UNC79: variants seen among roughly 807,000 people sequenced by gnomAD.
UNC79 encodes the protein unc-79 subunit of NALCN channel complex.
A neutral mutation model predicts 283.1 loss-of-function variants in UNC79; 37 were observed. That is an observed-to-expected ratio of 0.13 (90% confidence interval 0.10 to 0.17). The LOEUF (loss-of-function observed/expected upper bound fraction) is 0.17. Among genes scored for constraint, UNC79 ranks in the 10% least tolerant of loss-of-function variants. The pLI is 1.00. For synonymous variants in UNC79, 1,107 were observed against 1,200.2 expected, an observed-to-expected ratio of 0.92 and a Z score of 1.61; for missense variants, 2,272 against 3,211.1, an observed-to-expected ratio of 0.71 and a Z score of 7.07.
chr14:93,550,816 A>G (rs80113890), intron 14 of UNC79, among the ~76,000 whole-genome samples: 2,112 of 152,114 alleles, frequency 0.014, 22 homozygotes, highest in Middle Eastern at 0.037. Context: ...TTCTGGAGAT[A>G]AGAAGATACC....
At chr14:93,431,341 G>C (rs1276878480) in intron 1 of UNC79, among the ~76,000 whole-genome samples, 2 of 151,862 alleles carry the variant, frequency 1.3e-5, no homozygotes, top group African/African-American at 2.4e-5. Flanking sequence ...TCATTCTCGG[G>C]AAAAAGAGGC....
In UNC79 at chr14:93,682,599, C is replaced by T; in HGVS notation, c.6742-18C>T. The T allele has an allele frequency of 6.2e-7, 1 of 1,607,210 alleles. No homozygotes were observed. The highest frequency in any genetic ancestry group is 8.5e-7 in the Non-Finnish European group (1 of 1,174,878). ...CCAGATACCCTTAAAAATAATTATC[C>T]TTTCACTTTTTTATTAGTTTATTTG... On this transcript the variant is annotated intron_variant, in intron 41 of 48. Transcript: ENST00000555664.
chr14:93,523,957 C>T (rs376898822), intron 7 of UNC79, 21 bp from the exon 8 acceptor site: 13 of 1,612,518 alleles, frequency 8.1e-6, no homozygotes, highest in Non-Finnish European at 1.1e-5. Context: ...AAGTATTCAT[C>T]AGCTGTGCTT....
At chr14:93,477,763 T>A (rs201151233) in intron 4 of UNC79, 35 bp downstream of exon 4, 1 of 1,575,254 alleles carries the variant, frequency 6.3e-7, no homozygotes, top group Non-Finnish European at 8.6e-7. Flanking sequence ...AGATTATTTT[T>A]ATGTATGATA....
chr14:93,391,248 T>C (rs1281349420), intron 1 of UNC79, among the ~76,000 whole-genome samples: 1 of 151,602 alleles, frequency 6.6e-6, no homozygotes, highest in East Asian at 1.9e-4. Context: ...GATATACATA[T>C]GATAAAAAGA....
At chr14:93,609,545 A>G (rs2066146066) in intron 26 of UNC79, among the ~76,000 whole-genome samples, 1 of 152,188 alleles carries the variant, frequency 6.6e-6, no homozygotes, top group Non-Finnish European at 1.5e-5. Context: ...TTCTCTTTAT[A>G]GAAAATATAA....
intron 19 of UNC79, 144 bp from the exon 20 acceptor site, chr14:93,582,059 G>T: frequency 8.7e-7 from 1 of 1,154,206 alleles, no homozygotes; most frequent in Non-Finnish European, 1.2e-6. Context: ...AGGGTCTTCT[G>T]GGGTGTGGTG....
At chr14:93,360,085 A>G (rs2054188802) in intron 1 of UNC79, among the ~76,000 whole-genome samples, 2 of 152,162 alleles carry the variant, frequency 1.3e-5, no homozygotes, top group Admixed American at 6.5e-5. Flanking sequence ...TCAAACTTAC[A>G]GTGGGTCCAG....
intron 1 of UNC79, among the ~76,000 whole-genome samples, chr14:93,431,737 G>A (rs145588228): frequency 6.6e-6 from 1 of 152,340 alleles, no homozygotes; most frequent in African/African-American, 2.4e-5. Flanking sequence ...CCATAGCACC[G>A]GAGGATTTTG....
intron 4 of UNC79, among the ~76,000 whole-genome samples, chr14:93,484,108 T>A (rs1213899272): frequency 6.6e-6 from 1 of 152,194 alleles, no homozygotes; most frequent in Non-Finnish European, 1.5e-5. Context: ...CACCACACTG[T>A]CTTCCACAAT....
chr14:93,538,372 C>A (rs552166249), intron 12 of UNC79, among the ~76,000 whole-genome samples, 154 bp downstream of exon 12: 1 of 152,358 alleles, frequency 6.6e-6, no homozygotes, highest in East Asian at 1.9e-4. Context: ...TATTTTAATT[C>A]ATGAATTCAA....
In UNC79 at chr14:93,357,017, C is replaced by A. The variant is rs553840286; in HGVS notation, c.-351+23494C>A. Among the ~76,000 whole-genome samples, 4 of 152,294 alleles carry A rather than the reference C, an allele frequency of 2.6e-5. No individual in the cohort carries two copies. In the South Asian group the frequency reaches 8.3e-4, roughly 32 times the overall value. ...CAATTCTCACCCTCCTTCCACCCTT[C>A]AAACTGAAGTAGGCCCCAGTGTTTC... On this transcript the variant is annotated intron_variant, in intron 1 of 49. Coordinates refer to the UNC79 transcript ENST00000256339.
At chr14:93,392,649 T>C (rs1388276607) in intron 1 of UNC79, among the ~76,000 whole-genome samples, 1 of 152,210 alleles carries the variant, frequency 6.6e-6, no homozygotes, top group East Asian at 1.9e-4. Context: ...AGTTCTCAGA[T>C]ACATTTTCTA....
chr14:93,357,597 G>C (rs1003071174), intron 1 of UNC79, among the ~76,000 whole-genome samples: 3 of 146,464 alleles, frequency 2.0e-5, no homozygotes, highest in African/African-American at 7.5e-5. Context: ...ACTCAGACTG[G>C]CTTCCTTGCT....
At chr14:93,641,120 G>A (rs768157045) in intron 32 of UNC79, 25 bp from the exon 36 acceptor site, 1 of 1,605,000 alleles carries the variant, frequency 6.2e-7, no homozygotes, top group Non-Finnish European at 8.5e-7. Flanking sequence ...TATATTCACT[G>A]GTTGTCCCTT....
intron 1 of UNC79, among the ~76,000 whole-genome samples, chr14:93,374,857 C>G (rs148217308): frequency 1.6e-4 from 25 of 152,258 alleles, no homozygotes; most frequent in African/African-American, 5.8e-4. Context: ...TCCATTGTAT[C>G]TTGAAAGTAG....
chr14:93,596,853 A>G (rs2065120450), intron 23 of UNC79, among the ~76,000 whole-genome samples: 1 of 152,210 alleles, frequency 6.6e-6, no homozygotes, highest in Admixed American at 6.5e-5. Flanking sequence ...ATAGCATGGA[A>G]GAAATACCTG....
chr14:93,396,115 C>T (rs1333082471), intron 1 of UNC79, among the ~76,000 whole-genome samples: 2 of 151,914 alleles, frequency 1.3e-5, no homozygotes, highest in Middle Eastern at 3.2e-3. Flanking sequence ...CACTCTCAAT[C>T]GACCTGTTTT....
intron 5 of UNC79, among the ~76,000 whole-genome samples, chr14:93,493,899 A>ATTTT (rs1298223300): frequency 2.9e-3 from 177 of 60,268 alleles, no homozygotes; most frequent in South Asian, 4.0e-3. Flanking sequence ...ATATATATAT[A>ATTTT]TATTTTTTTT....
Sources: gnomAD v4.1 joint callset for allele counts (sites outside exome capture counted in the v4.1 genomes callset) on GRCh38, gnomAD v4.1.1 for gene constraint, MANE v1.5 for transcripts, NCBI Gene and HGNC (gene_info 2026-07-23, HGNC 2026-07-21) for gene names.